The following CSMD1 variants were observed in gnomAD, a reference collection of about 807,000 sequenced individuals.
CSMD1 encodes CUB and Sushi multiple domains 1.
A neutral mutation model predicts 417.5 loss-of-function variants in CSMD1; 213 were observed. The observed-to-expected ratio is 0.51, with a 90% CI of 0.46 to 0.57. The LOEUF is 0.57. Ranked by LOEUF, CSMD1 falls within the 20% of genes least tolerant of loss-of-function variation. CSMD1 has a pLI of 0.00. For synonymous variants in CSMD1, 2,862 were observed against 1,736.8 expected (o/e 1.65, Z -16.11); for missense variants, 6,923 against 4,529.7 (o/e 1.53, Z -15.17).
chr8:4,174,122 C>T (rs896946587), intron 3 of CSMD1, among the ~76,000 whole-genome samples: 1 of 152,056 alleles, frequency 6.6e-6, no homozygotes, highest in African/African-American at 2.4e-5. Flanking sequence ...TAGGGCAAGC[C>T]TGGAAAGGGA....
At chr8:4,731,926 T>C (rs1239109225) in intron 1 of CSMD1, among the ~76,000 whole-genome samples, 1 of 152,124 alleles carries the variant, frequency 6.6e-6, no homozygotes, top group African/African-American at 2.4e-5. Flanking sequence ...AAGATAAAAA[T>C]AATAATAGTG....
At chr8:4,019,084 A>G (rs899438211) in intron 4 of CSMD1, among the ~76,000 whole-genome samples, 7 of 152,198 alleles carry the variant, frequency 4.6e-5, no homozygotes, top group Non-Finnish European at 5.9e-5. Context: ...GAAATTGTCT[A>G]TATCTGGACT....
chr8:3,686,783 C>A (rs60258623), intron 7 of CSMD1, among the ~76,000 whole-genome samples: 1 of 152,198 alleles, frequency 6.6e-6, no homozygotes, highest in Non-Finnish European at 1.5e-5. Flanking sequence ...CTGGTTGTAA[C>A]TGTTTCTTTG....
At chr8:4,584,457 T>G (rs1420933209) in intron 2 of CSMD1, among the ~76,000 whole-genome samples, 3 of 152,078 alleles carry the variant, frequency 2.0e-5, no homozygotes, top group African/African-American at 7.2e-5. Flanking sequence ...GCGACTAGCG[T>G]GGCCGCCGGA....
At chr8:3,849,744 T>G (rs1193450358) in intron 5 of CSMD1, among the ~76,000 whole-genome samples, 1 of 152,196 alleles carries the variant, frequency 6.6e-6, no homozygotes, top group African/African-American at 2.4e-5. Flanking sequence ...TTTATGAAGC[T>G]CTTGTACAAA....
At chr8:4,039,178 G>C (rs965372423) in intron 3 of CSMD1, among the ~76,000 whole-genome samples, 9 of 152,142 alleles carry the variant, frequency 5.9e-5, no homozygotes, top group Admixed American at 3.9e-4. Flanking sequence ...TCATGAGGTG[G>C]ATTCATCTGG....
chr8:4,364,098 A>G (rs1240290758), intron 3 of CSMD1, among the ~76,000 whole-genome samples: 1 of 152,208 alleles, frequency 6.6e-6, no homozygotes, highest in Non-Finnish European at 1.5e-5. Flanking sequence ...TAGCTACCCC[A>G]TTCCCCATCA....
chr8:3,623,410 T>C (rs1257130787), intron 7 of CSMD1, among the ~76,000 whole-genome samples: 2 of 152,042 alleles, frequency 1.3e-5, no homozygotes, highest in East Asian at 3.9e-4. Context: ...AAAGCAAGTG[T>C]CTGAAAAGAA....
rs1043041360 is a variant in CSMD1 at position 4,029,945 on chromosome 8, G to A, written c.610+1960C>T. On this transcript the variant is annotated intron_variant, in intron 4 of 69. Coordinates refer to ENST00000635120, the MANE Select transcript of CSMD1 (RefSeq NM_033225.6). ...CTATGTAAGTATAGAATCCAGTGGG[G>A]CAGTCAAATCTTAAAGCTCCAAAAT... Among the ~76,000 whole-genome samples, 5 of 152,158 alleles carry A rather than the reference G, an allele frequency of 3.3e-5. No homozygotes were observed. The East Asian group carries it at 9.7e-4, about 29-fold the overall frequency.
At position 4,629,672 on chromosome 8, in the gene CSMD1, C is replaced by G. The variant is rs191529948; in HGVS notation, c.302+7670G>C. On this transcript the variant is annotated intron_variant, in intron 2 of 69. Coordinates refer to ENST00000635120, the MANE Select transcript of CSMD1 (RefSeq NM_033225.6). ...AGAAAGACACTTAGACAATATTTAT[C>G]ATTTTTATTTTCCATATTAATATTT... 2.1e-3 allele frequency among the ~76,000 whole-genome samples: 313 copies of G among 152,220 alleles called. 5 individuals are homozygous for G. The Middle Eastern group carries it at 0.048, about 23-fold the overall frequency.
At chr8:4,644,448 C>T (rs1431177678) in intron 1 of CSMD1, among the ~76,000 whole-genome samples, 1 of 152,152 alleles carries the variant, frequency 6.6e-6, no homozygotes, top group Non-Finnish European at 1.5e-5. Flanking sequence ...CTCTCTGTCA[C>T]CAGGCTAGAG....
chr8:4,749,849 G>T (rs918916109), intron 1 of CSMD1, among the ~76,000 whole-genome samples: 2 of 152,100 alleles, frequency 1.3e-5, no homozygotes, highest in African/African-American at 4.8e-5. Flanking sequence ...AAGCCAGGGT[G>T]TGGATTTACG....
intron 1 of CSMD1, among the ~76,000 whole-genome samples, chr8:4,944,248 C>A (rs1339443903): frequency 1.3e-5 from 2 of 152,142 alleles, no homozygotes; most frequent in Non-Finnish European, 2.9e-5. Context: ...AGTAGAGCGA[C>A]CTCAACAGAG....
At chr8:4,814,284 T>G (rs184383404) in intron 1 of CSMD1, among the ~76,000 whole-genome samples, 7 of 152,154 alleles carry the variant, frequency 4.6e-5, no homozygotes, top group African/African-American at 1.7e-4. Flanking sequence ...TCGCTCTTAA[T>G]GGCCAGGCTG....
chr8:3,469,134 A>T (rs535963764), intron 11 of CSMD1: 23 of 241,176 alleles, frequency 9.5e-5, no homozygotes, highest in African/African-American at 5.0e-4. Context: ...AGGAATTACA[A>T]TGTTACAACT....
chr8:4,070,967 T>G (rs925838028), intron 3 of CSMD1, among the ~76,000 whole-genome samples: 3 of 152,224 alleles, frequency 2.0e-5, no homozygotes, highest in Non-Finnish European at 2.9e-5. Context: ...TCAGCAATAA[T>G]TTAAATTGTT....
At chr8:4,068,985 A>G (rs1402446117) in intron 3 of CSMD1, among the ~76,000 whole-genome samples, 3 of 152,192 alleles carry the variant, frequency 2.0e-5, no homozygotes, top group South Asian at 2.1e-4. Flanking sequence ...CAAACGTTGA[A>G]TGGCTTGGAA....
At chr8:3,822,230 C>T (rs1801775886) in intron 5 of CSMD1, among the ~76,000 whole-genome samples, 1 of 152,150 alleles carries the variant, frequency 6.6e-6, no homozygotes, top group African/African-American at 2.4e-5. Context: ...CATGTGCCTG[C>T]TTCCATCACT....
intron 50 of CSMD1, among the ~76,000 whole-genome samples, chr8:3,038,066 C>T (rs13268984): frequency 6.6e-6 from 1 of 151,890 alleles, no homozygotes; most frequent in Non-Finnish European, 1.5e-5. Context: ...TTTTAAAATA[C>T]ATATATTTGA....
Sources: allele counts gnomAD v4.1 joint callset (sites outside exome capture counted in the v4.1 genomes callset), GRCh38; gene constraint gnomAD v4.1.1; transcripts MANE v1.5; gene names NCBI Gene and HGNC (gene_info 2026-07-23, HGNC 2026-07-21).